Variants in MAP4K3 observed in about 807,000 individuals in gnomAD.
MAP4K3 encodes MAPK/ERK kinase kinase kinase 3.
In MAP4K3, 94 loss-of-function variants were observed where a neutral mutation model predicts 143.5. That is an observed-to-expected ratio of 0.65 (90% CI 0.55 to 0.78). MAP4K3 has a LOEUF of 0.78. Ranked by LOEUF, MAP4K3 falls within the 30% of genes least tolerant of loss-of-function variation. The pLI, the probability that MAP4K3 is intolerant of heterozygous loss-of-function variation, is 0.00. For missense variants in MAP4K3, 1,077 were observed against 1,068.1 expected (o/e 1.01, Z -0.12); for synonymous variants, 416 against 347.2 (o/e 1.20, Z -2.20).
chr2:39,325,822 T>G lies in MAP4K3; in HGVS notation c.726-11A>C, dbSNP rs375140446. The G allele has an allele frequency of 3.1e-6, 5 of 1,588,998 alleles. No individual in the cohort carries two copies. The highest frequency in any genetic ancestry group is 1.7e-4 in the Middle Eastern group (1 of 5,978). ...TGAAAACTATTTGACCTAAGAAATT[T>G]AGAAAATTAGACTTTTACATTCCAA... On this transcript the variant is annotated splice_polypyrimidine_tract_variant and intron_variant, in intron 10 of 33. Coordinates refer to ENST00000263881, the MANE Select transcript of MAP4K3 (RefSeq NM_003618.4).
intron 1 of MAP4K3, among the ~76,000 whole-genome samples, chr2:39,392,417 T>C (rs944652134): frequency 6.6e-6 from 1 of 152,166 alleles, no homozygotes; most frequent in African/African-American, 2.4e-5. Flanking sequence ...TTATATAAAT[T>C]ATCTATAAAG....
chr2:39,346,048 G>C (rs1344457616), intron 3 of MAP4K3, among the ~76,000 whole-genome samples: 1 of 147,980 alleles, frequency 6.8e-6, no homozygotes, highest in Admixed American at 6.7e-5. Flanking sequence ...ATAAAAATTT[G>C]TTTTAATTTC....
At chr2:39,415,562 A>G (rs1229558816) in intron 1 of MAP4K3, among the ~76,000 whole-genome samples, 1 of 152,194 alleles carries the variant, frequency 6.6e-6, no homozygotes, top group Non-Finnish European at 1.5e-5. Context: ...GTGCCACTTT[A>G]TCAAGTTCCT....
intron 4 of MAP4K3, among the ~76,000 whole-genome samples, chr2:39,339,390 T>A: frequency 6.6e-6 from 1 of 152,212 alleles, no homozygotes; most frequent in Non-Finnish European, 1.5e-5. Context: ...AAAGACAATT[T>A]TTTTTTCAGA....
At chr2:39,430,787 AGATTT>A (rs1298939276) in intron 1 of MAP4K3, among the ~76,000 whole-genome samples, 1 of 152,228 alleles carries the variant, frequency 6.6e-6, no homozygotes, top group Admixed American at 6.5e-5. Context: ...CCTACTGATT[AGATTT>A]AAGACCTAAT....
chr2:39,436,898 G>A lies in MAP4K3; in HGVS notation c.90C>T (p.Val30=). ...QRIGSGTYGD[V]YKARNVNTGE... is the part of the protein sequence containing the mutation. ...GCGCGGCCCCTGCCTTTACCTTGTA[G>A]ACGTCGCCGTAGGTGCCGCTGCCGA... Residue 30 remains valine, a synonymous_variant, in exon 1 of 34, where the codon GTC becomes GTT. Transcript: ENST00000263881. 2 of 1,610,248 alleles carry A rather than the reference G, an allele frequency of 1.2e-6. No homozygotes were observed. Among genetic ancestry groups the A allele is most frequent in the Non-Finnish European group, 1.7e-6 (2 of 1,178,734 alleles).
At chr2:39,429,204 C>T (rs973992454) in intron 1 of MAP4K3, among the ~76,000 whole-genome samples, 1 of 150,480 alleles carries the variant, frequency 6.6e-6, no homozygotes, top group African/African-American at 2.4e-5. Flanking sequence ...ATTATAATTA[C>T]TACGCAATCC....
Position 39,326,194 on chromosome 2 carries a change from A to T in MAP4K3, c.614T>A (p.Ile205Lys). The change falls in exon 9 of 34, where the codon ATA becomes AAA. Residue 205 changes from isoleucine to lysine, a missense_variant. Coordinates refer to ENST00000263881, the MANE Select transcript of MAP4K3 (RefSeq NM_003618.4). ...CDLWAVGITAIELAELQPPMF... is the reference protein window; with the variant it reads ...CDLWAVGITAKELAELQPPMF... ...AGGAGGCTGAAGCTCTGCAAGTTCT[A>T]TGGCAGTGATTCCCACTGCCCAGAG... is the stretch of plus-strand genomic sequence containing the variant. The T allele has an allele frequency of 6.2e-7, 1 of 1,613,930 alleles. No homozygotes were observed. The highest frequency in any genetic ancestry group is 8.5e-7 in the Non-Finnish European group (1 of 1,179,856).
chr2:39,310,507 G>C (rs1253870003), intron 13 of MAP4K3, among the ~76,000 whole-genome samples: 2 of 152,112 alleles, frequency 1.3e-5, no homozygotes, highest in South Asian at 2.1e-4. Flanking sequence ...TACACATATA[G>C]GTTGATTCTT....
At position 39,416,171 on chromosome 2, in the gene MAP4K3, T is replaced by TG. The variant is rs376746707; in HGVS notation, c.96+20720dup. On this transcript the variant is annotated intron_variant, in intron 1 of 33. Coordinates refer to ENST00000263881, the MANE Select transcript of MAP4K3 (RefSeq NM_003618.4). ...CTGTCAAAAATTTTCAGTCAGATGC[T>TG]GGGAGGGTGGAGTTGGGAGGGCTGT... Among the ~76,000 whole-genome samples, 267 of 151,314 alleles carry TG rather than the reference T, an allele frequency of 1.8e-3. 1 individual carries two copies. Among genetic ancestry groups the TG allele is most frequent in the African/African-American group, 6.0e-3 (248 of 41,208 alleles).
chr2:39,292,568 A>C (rs1437851777), intron 18 of MAP4K3, among the ~76,000 whole-genome samples: 1 of 152,188 alleles, frequency 6.6e-6, no homozygotes, highest in Admixed American at 6.5e-5. Context: ...TGTGAGAAAT[A>C]AATTTCTGTT....
At chr2:39,400,772 T>C in intron 1 of MAP4K3, among the ~76,000 whole-genome samples, 1 of 152,156 alleles carries the variant, frequency 6.6e-6, no homozygotes, top group East Asian at 1.9e-4. Flanking sequence ...CTTTAACTAA[T>C]GAGTAATACA....
At chr2:39,296,110 A>G (rs1453806384) in intron 16 of MAP4K3, among the ~76,000 whole-genome samples, 1 of 152,236 alleles carries the variant, frequency 6.6e-6, no homozygotes, top group Non-Finnish European at 1.5e-5. Context: ...AAAAGCAGAT[A>G]GCCCATGGCT....
At chr2:39,383,247 A>G (rs1666398726) in intron 1 of MAP4K3, among the ~76,000 whole-genome samples, 2 of 152,192 alleles carry the variant, frequency 1.3e-5, no homozygotes, top group African/African-American at 2.4e-5. Flanking sequence ...GGGAAGCCTC[A>G]GGAAACTTAC....
At chr2:39,378,264 T>C (rs1360500274) in intron 1 of MAP4K3, 141 bp from the exon 2 acceptor site, 2 of 572,056 alleles carry the variant, frequency 3.5e-6, no homozygotes, top group African/African-American at 2.0e-5. Flanking sequence ...ACAAAACAAA[T>C]AGTTTTTCCT....
chr2:39,341,534 T>C (rs571297397), intron 4 of MAP4K3, among the ~76,000 whole-genome samples: 1 of 151,970 alleles, frequency 6.6e-6, no homozygotes, highest in African/African-American at 2.4e-5. Context: ...CAGGAACCTG[T>C]AGTCCCAGCT....
intron 2 of MAP4K3, among the ~76,000 whole-genome samples, chr2:39,377,614 G>T (rs926088098): frequency 6.6e-6 from 1 of 152,136 alleles, no homozygotes; most frequent in Non-Finnish European, 1.5e-5. Flanking sequence ...GAATGTGGAA[G>T]CTAGATCTCC....
chr2:39,316,888 A>G (rs1393702680), intron 12 of MAP4K3, among the ~76,000 whole-genome samples: 3 of 152,062 alleles, frequency 2.0e-5, no homozygotes, highest in Non-Finnish European at 4.4e-5. Context: ...CATTCTCAAA[A>G]ATTAAAATTT....
intron 2 of MAP4K3, among the ~76,000 whole-genome samples, chr2:39,365,081 T>C (rs1439091665): frequency 6.6e-6 from 1 of 152,176 alleles, no homozygotes; most frequent in Non-Finnish European, 1.5e-5. Flanking sequence ...GCAGGACCAT[T>C]TCAAAATATA....
Sources: allele counts gnomAD v4.1 joint callset (sites outside exome capture counted in the v4.1 genomes callset), GRCh38; gene constraint gnomAD v4.1.1; transcripts MANE v1.5; gene names NCBI Gene and HGNC (gene_info 2026-07-23, HGNC 2026-07-21).